Variants in TMEM181 observed in about 807,000 individuals in gnomAD.
TMEM181 encodes the protein transmembrane protein 181, also known as G protein-coupled receptor 178.
Under a neutral mutation model 71.9 loss-of-function variants are expected in TMEM181, and 39 were observed. The ratio of observed to expected loss-of-function variants is 0.54; its 90% confidence interval spans 0.42 to 0.71. TMEM181 has a LOEUF of 0.71. TMEM181 is among the 30% of genes least tolerant of loss of function. TMEM181 has a pLI of 0.00. For missense variants in TMEM181, 595 were observed against 583.0 expected (o/e 1.02, Z -0.21); for synonymous variants, 245 against 228.8 (o/e 1.07, Z -0.64).
chr6:158,543,858 G>C (rs1366563193), intron 1 of TMEM181, among the ~76,000 whole-genome samples: 1 of 152,182 alleles, frequency 6.6e-6, no homozygotes, highest in African/African-American at 2.4e-5. Flanking sequence ...TCCTTGAAAA[G>C]AACAGCTCAT....
At chr6:158,589,819 A>G (rs757205818) in intron 6 of TMEM181, 37 bp downstream of exon 6, 2 of 1,380,632 alleles carry the variant, frequency 1.4e-6, no homozygotes, top group Non-Finnish European at 1.0e-6. Flanking sequence ...TCCATGGCTC[A>G]TGTTCTAGTT....
intron 2 of TMEM181, among the ~76,000 whole-genome samples, chr6:158,576,345 C>G (rs1011659654): frequency 1.3e-5 from 2 of 152,200 alleles, no homozygotes; most frequent in African/African-American, 4.8e-5. Flanking sequence ...GCTCTGATCA[C>G]TGATGCTGCT....
At chr6:158,577,061 C>CAAAAA (rs5881280) in intron 2 of TMEM181, among the ~76,000 whole-genome samples, 2 of 76,036 alleles carry the variant, frequency 2.6e-5, no homozygotes, top group Non-Finnish European at 5.3e-5. Context: ...GACTCCATCT[C>CAAAAA]AAAAAAAAAA....
At chr6:158,568,352 C>T (rs1346758475) in intron 1 of TMEM181, among the ~76,000 whole-genome samples, 1 of 151,590 alleles carries the variant, frequency 6.6e-6, no homozygotes, top group East Asian at 1.9e-4. Context: ...GTAGGGTGGG[C>T]AGGGAGGATG....
rs757929818 is a variant in TMEM181, at chr6:158,631,905, C to T, written c.*17C>T. ...AGTGACTGAGCCCCGGCCAGCCCAG[C>T]GAGGCGACAAGATGCCTGGATGCTT... On this transcript the variant is annotated 3_prime_UTR_variant, in exon 17 of 17. Transcript: ENST00000684151. 46 of 1,570,452 alleles carry T rather than the reference C, an allele frequency of 2.9e-5. No homozygotes were observed. The highest frequency in any genetic ancestry group is 1.7e-4 in the Admixed American group (9 of 53,858).
intron 6 of TMEM181, among the ~76,000 whole-genome samples, chr6:158,593,324 A>G (rs1043450607): frequency 6.6e-6 from 1 of 152,256 alleles, no homozygotes; most frequent in Non-Finnish European, 1.5e-5. Context: ...TTTCTATTAT[A>G]GAAAACTAGA....
At chr6:158,553,482 A>T (rs1162117291) in intron 1 of TMEM181, among the ~76,000 whole-genome samples, 1 of 152,260 alleles carries the variant, frequency 6.6e-6, no homozygotes, top group Non-Finnish European at 1.5e-5. Context: ...TTTTGTCAAT[A>T]ACTCAGAAGA....
intron 13 of TMEM181, chr6:158,626,689 G>A (rs1160048161): frequency 1.3e-5 from 6 of 457,058 alleles, no homozygotes; most frequent in Non-Finnish European, 2.6e-5. Context: ...TGTTGTATTA[G>A]TCTCTGTTCA....
At position 158,604,165 on chromosome 6, in the gene TMEM181, C is replaced by T. The variant is rs890793733; in HGVS notation, c.493-1102C>T. ...TTTCCAGCACTCTGTCCTGTGGATT[C>T]GGGCCAGCCCTGTCTCCCTGGACTC... On this transcript the variant is annotated intron_variant, in intron 6 of 16. Coordinates refer to ENST00000684151, the MANE Select transcript of TMEM181 (RefSeq NM_001376852.1). Among the ~76,000 whole-genome samples the T allele has an allele frequency of 3.9e-5, 6 of 152,304 alleles. No homozygotes were observed. In the South Asian group the frequency reaches 1.0e-3, roughly 26 times the overall value.
intron 1 of TMEM181, among the ~76,000 whole-genome samples, chr6:158,570,720 G>A (rs554375385): frequency 7.3e-6 from 1 of 137,374 alleles, no homozygotes; most frequent in Non-Finnish European, 1.6e-5. Context: ...CCTCAGGGGG[G>A]CACTTCACAT....
At chr6:158,561,435 AAAT>A (rs1201415012) in intron 1 of TMEM181, among the ~76,000 whole-genome samples, 1 of 152,214 alleles carries the variant, frequency 6.6e-6, no homozygotes, top group Non-Finnish European at 1.5e-5. Flanking sequence ...CGGCCTATGT[AAAT>A]AATACTGCTT....
intron 1 of TMEM181, among the ~76,000 whole-genome samples, chr6:158,542,960 C>T (rs1582912704): frequency 6.8e-6 from 1 of 146,168 alleles, no homozygotes; most frequent in East Asian, 2.1e-4. Context: ...ACTGCAACCT[C>T]CACCTCCCAG....
At chr6:158,629,908 C>A (rs908941598) in intron 15 of TMEM181, 89 bp downstream of exon 15, 13 of 1,069,194 alleles carry the variant, frequency 1.2e-5, no homozygotes, top group Non-Finnish European at 1.7e-5. Context: ...GTTTCCCATT[C>A]ATGTGGGCGC....
At chr6:158,556,124 CAAA>C (rs1050554101), upstream of TMEM181, among the ~76,000 whole-genome samples, 20 of 152,038 alleles carry the variant, frequency 1.3e-4, 1 homozygote, top group Non-Finnish European at 2.9e-5. Context: ...TCAGAAAAGA[CAAA>C]AAAGTCTTTT....
chr6:158,564,805 C>T (rs1389471491), intron 1 of TMEM181, among the ~76,000 whole-genome samples: 1 of 152,010 alleles, frequency 6.6e-6, no homozygotes, highest in Non-Finnish European at 1.5e-5. Context: ...GCATTTTGGG[C>T]CAAAGGAGAA....
intron 6 of TMEM181, among the ~76,000 whole-genome samples, chr6:158,591,801 T>C (rs893211328): frequency 1.3e-5 from 2 of 152,136 alleles, no homozygotes; most frequent in African/African-American, 4.8e-5. Flanking sequence ...CCTGACCCTG[T>C]TCTATGGGTG....
chr6:158,584,585 A>T (rs1322736824), intron 4 of TMEM181, among the ~76,000 whole-genome samples: 1 of 152,254 alleles, frequency 6.6e-6, no homozygotes, highest in Non-Finnish European at 1.5e-5. Context: ...CTGTCAGTCT[A>T]CAGTGGCACT....
At chr6:158,546,186 C>T (rs927977670) in intron 1 of TMEM181, among the ~76,000 whole-genome samples, 1 of 152,144 alleles carries the variant, frequency 6.6e-6, no homozygotes, top group Non-Finnish European at 1.5e-5. Flanking sequence ...GCTGGGAGCT[C>T]CAGAACCCGT....
chr6:158,632,191 G>C lies in TMEM181; in HGVS notation c.*303G>C, dbSNP rs1375632052. On this transcript the variant is annotated 3_prime_UTR_variant, in exon 17 of 17. Transcript: ENST00000684151. Reference sequence around the variant, plus strand: ...GGAAATTTCACGTTTTTAGTACAGTGAATTATGTACTTTTTTTTCCTGTAA... The same window carrying C: ...GGAAATTTCACGTTTTTAGTACAGTCAATTATGTACTTTTTTTTCCTGTAA... 1.1e-5 allele frequency: 4 copies of C among 359,102 alleles called. No homozygotes were observed. In the South Asian group the frequency reaches 1.4e-4, roughly 13 times the overall value. 22.2% of individuals were successfully genotyped at this position (359,102 alleles called of 1,614,324 possible). A position where few individuals can be genotyped will look rare whatever the true frequency, so the allele number is the denominator to read the frequency against.
Sources: gnomAD v4.1 joint callset for allele counts (sites outside exome capture counted in the v4.1 genomes callset) on GRCh38, gnomAD v4.1.1 for gene constraint, MANE v1.5 for transcripts, NCBI Gene and HGNC (gene_info 2026-07-23, HGNC 2026-07-21) for gene names.